Variants in LRFN2 observed in about 807,000 individuals in gnomAD.
The protein encoded by LRFN2 is leucine rich repeat and fibronectin type III domain containing 2.
In LRFN2, 18 loss-of-function variants were observed where a neutral mutation model predicts 37.3. The observed-to-expected ratio is 0.48, with a 90% CI of 0.33 to 0.72. The LOEUF is 0.72. Ranked by LOEUF, LRFN2 falls within the 30% of genes least tolerant of loss-of-function variation. The probability of loss-of-function intolerance (pLI) is 0.02; values close to 1 mark genes in which losing one functional copy is unlikely to be tolerated. For missense variants in LRFN2, 1,006 were observed against 1,060.7 expected (o/e 0.95, Z 0.72); for synonymous variants, 556 against 466.6 (o/e 1.19, Z -2.47).
chr6:40,414,380 T>TC (rs1251841449), intron 2 of LRFN2, among the ~76,000 whole-genome samples: 2 of 149,550 alleles, frequency 1.3e-5, no homozygotes, highest in African/African-American at 2.5e-5. Context: ...ATGCCTCAGT[T>TC]CCCCCCTCCT....
intron 1 of LRFN2, among the ~76,000 whole-genome samples, chr6:40,490,786 C>T (rs1238352219): frequency 6.6e-6 from 1 of 152,254 alleles, no homozygotes; most frequent in Non-Finnish European, 1.5e-5. Context: ...GCATTAAGCT[C>T]CTGCTACTGC....
chr6:40,561,957 C>T (rs551078838), intron 1 of LRFN2, among the ~76,000 whole-genome samples: 1 of 152,296 alleles, frequency 6.6e-6, no homozygotes, highest in East Asian at 1.9e-4. Context: ...AACCATCAGT[C>T]TTATTCAGCC....
intron 1 of LRFN2, among the ~76,000 whole-genome samples, chr6:40,522,805 G>GA (rs1245498081): frequency 2.0e-5 from 3 of 152,212 alleles, no homozygotes; most frequent in African/African-American, 7.2e-5. Flanking sequence ...AAAGAAAAAA[G>GA]GGGGAATCAG....
Position 40,432,643 on chromosome 6 carries a change from G to C in LRFN2, c.471C>G (p.Ser157=), listed in dbSNP as rs749927295. Reference sequence around the variant, plus strand: ...ACGGCAGGCCATGGAGGTTGTTGTAGGAGAGGTCCAGATCCTCCAATGTCA... The same window carrying C: ...ACGGCAGGCCATGGAGGTTGTTGTACGAGAGGTCCAGATCCTCCAATGTCA... The part of the protein sequence containing the change: ...FLLTLEDLDL[S]YNNLHGLPWD... The change falls in exon 2 of 3, where the codon TCC becomes TCG. Residue 157 remains serine (S), a synonymous_variant. Transcript: ENST00000338305. The C allele has an allele frequency of 2.5e-6, 4 of 1,614,058 alleles. No homozygotes were observed. In the Admixed American group the frequency reaches 6.7e-5, roughly 27 times the overall value.
intron 1 of LRFN2, among the ~76,000 whole-genome samples, chr6:40,473,084 G>T (rs773600919): frequency 6.6e-6 from 1 of 152,068 alleles, no homozygotes; most frequent in East Asian, 1.9e-4. Context: ...CTTCTCCCAC[G>T]CCTCCAGATC....
chr6:40,411,495 C>T (rs868520846), intron 2 of LRFN2, among the ~76,000 whole-genome samples: 3 of 152,184 alleles, frequency 2.0e-5, no homozygotes, highest in South Asian at 4.1e-4. Flanking sequence ...GGTGAACACT[C>T]GAATCAGCGT....
At chr6:40,526,483 A>G (rs762817720) in intron 1 of LRFN2, among the ~76,000 whole-genome samples, 1 of 152,170 alleles carries the variant, frequency 6.6e-6, no homozygotes, top group Non-Finnish European at 1.5e-5. Flanking sequence ...GATCTTGTGA[A>G]TGAGTACCTG....
chr6:40,408,120 G>C (rs567236192), intron 2 of LRFN2, among the ~76,000 whole-genome samples: 262 of 152,250 alleles, frequency 1.7e-3, no homozygotes, highest in African/African-American at 6.1e-3. Context: ...GTTTTAGTTT[G>C]GGGTGATGAA....
At chr6:40,505,508 A>G (rs1178726865) in intron 1 of LRFN2, among the ~76,000 whole-genome samples, 1 of 152,214 alleles carries the variant, frequency 6.6e-6, no homozygotes, top group African/African-American at 2.4e-5. Context: ...TTACAGCTAC[A>G]GCTGGAGAGA....
At chr6:40,547,002 T>C (rs1350561670) in intron 1 of LRFN2, among the ~76,000 whole-genome samples, 1 of 152,126 alleles carries the variant, frequency 6.6e-6, no homozygotes, top group Non-Finnish European at 1.5e-5. Flanking sequence ...TACAGTAATA[T>C]ATAAAGTACT....
intron 1 of LRFN2, among the ~76,000 whole-genome samples, chr6:40,466,072 T>C (rs1764458839): frequency 6.6e-6 from 1 of 152,178 alleles, no homozygotes. Flanking sequence ...GGCTCTCAGC[T>C]ACTGACTCTC....
intron 1 of LRFN2, among the ~76,000 whole-genome samples, chr6:40,484,674 C>T (rs1764912391): frequency 6.6e-6 from 1 of 152,210 alleles, no homozygotes; most frequent in South Asian, 2.1e-4. Context: ...GATATCAGAC[C>T]ATTGTTCTCA....
At chr6:40,501,537 A>G (rs1429845787) in intron 1 of LRFN2, 1 of 151,328 alleles carries the variant, frequency 6.6e-6, no homozygotes, top group Non-Finnish European at 1.5e-5. Context: ...TATGCTGCCC[A>G]GGCTGGTCTT....
At chr6:40,525,328 G>T (rs1222547696) in intron 1 of LRFN2, among the ~76,000 whole-genome samples, 3 of 152,214 alleles carry the variant, frequency 2.0e-5, no homozygotes, top group African/African-American at 7.2e-5. Context: ...TCTCAAGGGT[G>T]CATATGACAA....
At chr6:40,445,496 T>C (rs1763948780) in intron 1 of LRFN2, among the ~76,000 whole-genome samples, 2 of 152,154 alleles carry the variant, frequency 1.3e-5, no homozygotes, top group African/African-American at 2.4e-5. Context: ...GTGGTGCTGA[T>C]TGTGGCCTTG....
Position 40,433,006 on chromosome 6 carries a change from G to T in LRFN2, c.108C>A (p.Thr36=). Residue 36 remains threonine (T), a synonymous_variant, in exon 2 of 3, where the codon ACC becomes ACA. Transcript: ENST00000338305. ...AGAGCAGCCCCTTGGAGGGGCACAG[G>T]GTCCCCAGTGACTCAGACAGATTCT... ...VCQNLSESLG[T]LCPSKGLLFV... The T allele has an allele frequency of 1.2e-6, 2 of 1,608,166 alleles. No individual in the cohort carries two copies. The highest frequency in any genetic ancestry group is 1.7e-6 in the Non-Finnish European group (2 of 1,176,756).
chr6:40,537,744 G>C lies in LRFN2; in HGVS notation c.-19+49197C>G, dbSNP rs1011718121. Among the ~76,000 whole-genome samples, 4 of 152,014 alleles carry C rather than the reference G, an allele frequency of 2.6e-5. No individual in the cohort carries two copies. In the South Asian group the frequency reaches 8.3e-4, roughly 32 times the overall value. On this transcript the variant is annotated intron_variant, in intron 1 of 2. Coordinates refer to ENST00000338305, the MANE Select transcript of LRFN2 (RefSeq NM_020737.3). ...GCTGCTCTCCAGTCCCCACAGCCTC[G>C]GTGTCCAGTTAGGGACTAAGGGGAC...
At chr6:40,496,485 G>A (rs1322901649) in intron 1 of LRFN2, among the ~76,000 whole-genome samples, 4 of 143,716 alleles carry the variant, frequency 2.8e-5, no homozygotes, top group Non-Finnish European at 4.4e-5. Context: ...CCTTGGTCAG[G>A]AAGCTCAGAC....
In LRFN2 at chr6:40,391,670, T is replaced by C. The variant is rs947743760; in HGVS notation, c.*273A>G. 5.3e-5 allele frequency: 19 copies of C among 355,222 alleles called. No homozygotes were observed. The highest frequency in any genetic ancestry group is 3.8e-4 in the African/African-American group (18 of 47,480). The allele number at this position is 355,222 out of a possible 1,614,324, so 22.0% of individuals were successfully genotyped here. A position where few individuals can be genotyped will look rare whatever the true frequency, so the allele number is the denominator to read the frequency against. ...CAAAGCCGCTTGCTTGTAGGCTACA[T>C]TTGTGATTAGAAAGGCGGAGTCTCG... On this transcript the variant is annotated 3_prime_UTR_variant, in exon 3 of 3. Coordinates refer to ENST00000338305, the MANE Select transcript of LRFN2 (RefSeq NM_020737.3).
Sources: gnomAD v4.1 joint callset for allele counts (sites outside exome capture counted in the v4.1 genomes callset) on GRCh38, gnomAD v4.1.1 for gene constraint, MANE v1.5 for transcripts, NCBI Gene and HGNC (gene_info 2026-07-23, HGNC 2026-07-21) for gene names.